Variants in FLI1 observed in about 807,000 individuals in gnomAD.
FLI1 encodes Fli-1 proto-oncogene, ETS transcription factor, also known as Friend leukemia integration 1 transcription factor.
A neutral mutation model predicts 53.1 loss-of-function variants in FLI1; 13 were observed. That is an observed-to-expected ratio of 0.24 (90% CI 0.16 to 0.39). The LOEUF (loss-of-function observed/expected upper bound fraction) is 0.39, where lower values mean the gene tolerates loss of function less well. Among genes scored for constraint, FLI1 ranks in the 10% least tolerant of loss-of-function variants. FLI1 has a pLI of 1.00. For missense variants in FLI1, 424 were observed against 600.5 expected (o/e 0.71, Z 3.07); for synonymous variants, 244 against 236.7 (o/e 1.03, Z -0.28).
At chr11:128,757,080 C>CTTTCTTTCTTTT (rs1940913703) in intron 1 of FLI1, among the ~76,000 whole-genome samples, 1 of 146,138 alleles carries the variant, frequency 6.8e-6, no homozygotes, top group East Asian at 2.0e-4. Flanking sequence ...TTCTTTCTTT[C>CTTTCTTTCTTTT]TTTCTTTCTT....
intron 5 of FLI1, among the ~76,000 whole-genome samples, chr11:128,797,076 G>T (rs1942466312): frequency 6.6e-6 from 1 of 152,250 alleles, no homozygotes; most frequent in Admixed American, 6.5e-5. Context: ...GTCCTTTCCT[G>T]CAAAGCATTT....
At chr11:128,686,607 G>C in exon 1 of FLI1, 1 of 393,596 alleles carries the variant, frequency 2.5e-6, no homozygotes, top group Non-Finnish European at 5.2e-6. Flanking sequence ...GCGGGTAACC[G>C]AGGCTTCTCC....
chr11:128,719,277 T>C (rs1939150470), intron 1 of FLI1, among the ~76,000 whole-genome samples: 1 of 120,938 alleles, frequency 8.3e-6, no homozygotes, highest in South Asian at 2.9e-4. Context: ...ATCAGTTAGA[T>C]TAAAAAAAAA....
At chr11:128,713,346 G>T (rs1175698177) in intron 1 of FLI1, among the ~76,000 whole-genome samples, 1 of 152,178 alleles carries the variant, frequency 6.6e-6, no homozygotes, top group African/African-American at 2.4e-5. Context: ...TCCTTCTTCA[G>T]TTTAAAACAT....
At chr11:128,755,765 T>C (rs985969560) in intron 1 of FLI1, among the ~76,000 whole-genome samples, 2 of 151,982 alleles carry the variant, frequency 1.3e-5, no homozygotes, top group Non-Finnish European at 1.5e-5. Flanking sequence ...ATCCCCTCGG[T>C]TGGGGGATGT....
intron 1 of FLI1, among the ~76,000 whole-genome samples, chr11:128,704,062 T>C (rs1470586834): frequency 6.6e-6 from 1 of 152,106 alleles, no homozygotes; most frequent in African/African-American, 2.4e-5. Context: ...GTTAGGCAAG[T>C]CACTTCACTT....
At chr11:128,738,054 G>A (rs1048740445) in intron 1 of FLI1, among the ~76,000 whole-genome samples, 1 of 152,136 alleles carries the variant, frequency 6.6e-6, no homozygotes, top group Non-Finnish European at 1.5e-5. Flanking sequence ...GTCATGGCAA[G>A]GTTTTACCTT....
intron 5 of FLI1, among the ~76,000 whole-genome samples, chr11:128,795,673 C>T (rs1942417825): frequency 6.6e-6 from 1 of 151,678 alleles, no homozygotes; most frequent in Non-Finnish European, 1.5e-5. Flanking sequence ...GCCTCAGCCT[C>T]CCGAGTAGCT....
At chr11:128,765,907 G>A (rs1275423257) in intron 2 of FLI1, among the ~76,000 whole-genome samples, 1 of 152,222 alleles carries the variant, frequency 6.6e-6, no homozygotes, top group Non-Finnish European at 1.5e-5. Context: ...TGAAATGTGT[G>A]CTTCCATGTG....
intron 5 of FLI1, among the ~76,000 whole-genome samples, chr11:128,799,007 G>A (rs976400715): frequency 2.7e-5 from 4 of 149,136 alleles, no homozygotes; most frequent in Admixed American, 6.8e-5. Flanking sequence ...AGAAAGCCAC[G>A]ATTTATTTTA....
chr11:128,775,564 G>T (rs190607502), intron 4 of FLI1, among the ~76,000 whole-genome samples: 2 of 152,218 alleles, frequency 1.3e-5, no homozygotes, highest in Non-Finnish European at 2.9e-5. Flanking sequence ...ATGGGCTGGC[G>T]ATCGTGTCTG....
upstream of FLI1, chr11:128,686,389 C>A (rs12418034): frequency 4.4e-6 from 2 of 456,218 alleles, no homozygotes; most frequent in Non-Finnish European, 8.8e-6. Flanking sequence ...AGGGAGGAGA[C>A]CCAATGGTGT....
At chr11:128,705,180 ATC>A (rs1938496331) in intron 1 of FLI1, among the ~76,000 whole-genome samples, 1 of 152,172 alleles carries the variant, frequency 6.6e-6, no homozygotes, top group Admixed American at 6.5e-5. Context: ...TATTTGTTTT[ATC>A]TCTTTGTCTA....
At chr11:128,760,222 G>C (rs745645335) in intron 2 of FLI1, among the ~76,000 whole-genome samples, 14 of 152,222 alleles carry the variant, frequency 9.2e-5, no homozygotes, top group Non-Finnish European at 1.3e-4. Context: ...AGTAGTTACT[G>C]TAACTTCACT....
chr11:128,691,358 G>A (rs1343700321), upstream of FLI1, among the ~76,000 whole-genome samples: 1 of 152,172 alleles, frequency 6.6e-6, no homozygotes, highest in Non-Finnish European at 1.5e-5. Context: ...ATAAAAGTGG[G>A]GCAAACTGAC....
chr11:128,794,117 C>G (rs7925516), intron 5 of FLI1, among the ~76,000 whole-genome samples: 12,316 of 152,264 alleles, frequency 0.081, 1,393 homozygotes, highest in African/African-American at 0.26. Context: ...ACACTACACG[C>G]TCATCCCACT....
chr11:128,686,295 C>T (rs1002408148), upstream of FLI1: 4 of 455,378 alleles, frequency 8.8e-6, no homozygotes, highest in Non-Finnish European at 1.8e-5. Context: ...CCAGAACAAG[C>T]TGCGGGCATC....
chr11:128,769,577 G>A (rs1941478924), intron 3 of FLI1, among the ~76,000 whole-genome samples: 1 of 152,108 alleles, frequency 6.6e-6, no homozygotes, highest in Non-Finnish European at 1.5e-5. Context: ...TGTGCTCTGG[G>A]CCAAATTCAA....
chr11:128,718,009 T>C (rs145732652), intron 1 of FLI1, among the ~76,000 whole-genome samples: 213 of 152,360 alleles, frequency 1.4e-3, no homozygotes, highest in African/African-American at 4.7e-3. Flanking sequence ...GAGTGTTCCC[T>C]TGGGGGCCTC....
Sources: allele counts gnomAD v4.1 joint callset (sites outside exome capture counted in the v4.1 genomes callset), GRCh38; gene constraint gnomAD v4.1.1; transcripts MANE v1.5; gene names NCBI Gene and HGNC (gene_info 2026-07-23, HGNC 2026-07-21).